Variants in AOPEP observed in about 807,000 individuals in gnomAD.
The protein encoded by AOPEP is aminopeptidase O (putative).
AOPEP carries 77 observed loss-of-function variants against 98.1 expected under a neutral mutation model. That is an observed-to-expected ratio of 0.78 (90% CI 0.65 to 0.95). AOPEP has a LOEUF of 0.95. Ranked by LOEUF, AOPEP falls within the 40% of genes least tolerant of loss-of-function variation. AOPEP has a pLI of 0.00. For missense variants in AOPEP, 1,024 were observed against 1,024.7 expected, an observed-to-expected ratio of 1.00 and a Z score of 0.01; for synonymous variants, 346 against 365.3, an observed-to-expected ratio of 0.95 and a Z score of 0.60.
At chr9:94,885,161 C>CAACATGGAGGAACCCCATCTCTACAA (rs1212414143) in intron 5 of AOPEP, among the ~76,000 whole-genome samples, 3 of 151,602 alleles carry the variant, frequency 2.0e-5, no homozygotes, top group African/African-American at 7.3e-5. Flanking sequence ...CTAGCCTAGG[C>CAACATGGAGGAACCCCATCTCTACAA]AACATGGAGG....
intron 5 of AOPEP, among the ~76,000 whole-genome samples, chr9:94,850,034 CAAA>C (rs11309177): frequency 2.7e-4 from 30 of 113,186 alleles, no homozygotes; most frequent in African/African-American, 2.3e-4. Flanking sequence ...GATTCCATCT[CAAA>C]AAAAAAAAAA....
intron 15 of AOPEP, 146 bp downstream of exon 15, chr9:95,080,926 A>G: frequency 3.0e-6 from 2 of 660,434 alleles, no homozygotes; most frequent in African/African-American, 1.8e-5. Flanking sequence ...CTTGCCTAAC[A>G]CTGATTTTTC....
chr9:94,912,305 A>G (rs968087408), intron 5 of AOPEP, among the ~76,000 whole-genome samples: 16 of 152,120 alleles, frequency 1.1e-4, no homozygotes, highest in Admixed American at 1.0e-3. Context: ...AGGTAAAATG[A>G]AAGTGCAAGT....
At chr9:95,069,516 T>C (rs116846687) in intron 14 of AOPEP, among the ~76,000 whole-genome samples, 1,620 of 148,600 alleles carry the variant, frequency 0.011, 16 homozygotes, top group Non-Finnish European at 0.019. Flanking sequence ...TATTTCAAAG[T>C]GAACCCCACA....
intron 4 of AOPEP, among the ~76,000 whole-genome samples, chr9:94,799,364 G>T (rs951419793): frequency 2.0e-5 from 3 of 151,392 alleles, no homozygotes; most frequent in Non-Finnish European, 4.4e-5. Flanking sequence ...AGACCACTCT[G>T]GGTTACAAAG....
downstream of AOPEP, among the ~76,000 whole-genome samples, chr9:95,088,396 A>G (rs141079045): frequency 5.0e-3 from 753 of 152,096 alleles, 8 homozygotes; most frequent in African/African-American, 0.018. Flanking sequence ...TTTAGTGGAG[A>G]TGGGGTTTCA....
intron 15 of AOPEP, among the ~76,000 whole-genome samples, chr9:95,081,170 T>C (rs2069713712): frequency 6.6e-6 from 1 of 152,232 alleles, no homozygotes; most frequent in Admixed American, 6.5e-5. Flanking sequence ...CGGGACAGTC[T>C]CGGTCTGTAC....
intron 5 of AOPEP, among the ~76,000 whole-genome samples, chr9:94,854,174 G>A (rs1159804355): frequency 6.6e-6 from 1 of 152,194 alleles, no homozygotes; most frequent in Non-Finnish European, 1.5e-5. Context: ...TTAGAATATG[G>A]TGGACGGCAG....
At chr9:94,976,654 C>CTT (rs778133412) in intron 10 of AOPEP, among the ~76,000 whole-genome samples, 28 of 136,236 alleles carry the variant, frequency 2.1e-4, no homozygotes, top group Non-Finnish European at 2.4e-4. Flanking sequence ...AAGACAGCCT[C>CTT]TTTTTTTTTT....
chr9:95,120,949 C>T, the AOPEP span, among the ~76,000 whole-genome samples: 1 of 152,064 alleles, frequency 6.6e-6, no homozygotes, highest in African/African-American at 2.4e-5. Flanking sequence ...AAGTTCTGGC[C>T]CTCTCCTGGC....
intron 14 of AOPEP, chr9:95,065,320 G>A (rs1327035330): frequency 1.3e-5 from 2 of 152,292 alleles, no homozygotes; most frequent in African/African-American, 4.8e-5. Context: ...TCATCGTGGT[G>A]TGTGAGGGCA....
chr9:95,087,171 T>C, downstream of AOPEP: 1 of 154,944 alleles, frequency 6.5e-6, no homozygotes, highest in South Asian at 2.1e-4. Flanking sequence ...ACGTGTTTGC[T>C]TCTAAATTTC....
At chr9:94,734,423 C>A (rs905659480) in intron 1 of AOPEP, among the ~76,000 whole-genome samples, 2 of 152,160 alleles carry the variant, frequency 1.3e-5, no homozygotes, top group Non-Finnish European at 2.9e-5. Flanking sequence ...CCTGCTTATA[C>A]TTGGAGTTGC....
At chr9:94,913,537 T>G (rs2052381217) in intron 5 of AOPEP, among the ~76,000 whole-genome samples, 2 of 152,238 alleles carry the variant, frequency 1.3e-5, no homozygotes, top group African/African-American at 4.8e-5. Context: ...GTTCAATTAT[T>G]TATGAATCCC....
intron 5 of AOPEP, among the ~76,000 whole-genome samples, chr9:94,923,716 A>G (rs768689613): frequency 5.3e-5 from 8 of 152,198 alleles, no homozygotes; most frequent in Non-Finnish European, 8.8e-5. Context: ...TTTTGAGTGT[A>G]AAACTTTGGT....
intron 5 of AOPEP, among the ~76,000 whole-genome samples, chr9:94,826,224 C>T (rs905498544): frequency 1.3e-5 from 2 of 152,196 alleles, no homozygotes; most frequent in Admixed American, 1.3e-4. Flanking sequence ...CGTCCGCGGG[C>T]TTCAAGTTCA....
chr9:94,800,307 G>C (rs919614570), intron 4 of AOPEP, among the ~76,000 whole-genome samples: 1 of 152,122 alleles, frequency 6.6e-6, no homozygotes, highest in Admixed American at 6.5e-5. Context: ...TTTTATTCTA[G>C]GTAATCCCAG....
intron 13 of AOPEP, among the ~76,000 whole-genome samples, chr9:95,050,301 C>T (rs2066229207): frequency 6.6e-6 from 1 of 152,204 alleles, no homozygotes; most frequent in Non-Finnish European, 1.5e-5. Context: ...TGCCCTTGTT[C>T]TCCTGAAATT....
chr9:95,084,485 C>G (rs1403228196), intron 16 of AOPEP, among the ~76,000 whole-genome samples: 3 of 152,244 alleles, frequency 2.0e-5, no homozygotes, highest in Non-Finnish European at 4.4e-5. Flanking sequence ...GCACTTACCT[C>G]ACTGCCGGCC....
Sources: gnomAD v4.1 joint callset for allele counts (sites outside exome capture counted in the v4.1 genomes callset) on GRCh38, gnomAD v4.1.1 for gene constraint, MANE v1.5 for transcripts, NCBI Gene and HGNC (gene_info 2026-07-23, HGNC 2026-07-21) for gene names.